Variants in AUTS2 observed in about 807,000 individuals in gnomAD.
The protein encoded by AUTS2 is activator of transcription and developmental regulator AUTS2.
In AUTS2, 17 loss-of-function variants were observed where a neutral mutation model predicts 112.4. That is an observed-to-expected ratio of 0.15 (90% CI 0.10 to 0.23). The LOEUF is 0.23. Among genes scored for constraint, AUTS2 ranks in the 10% least tolerant of loss-of-function variants. The probability of loss-of-function intolerance (pLI) is 1.00; values close to 1 mark genes in which losing one functional copy is unlikely to be tolerated. For missense variants in AUTS2, 1,510 were observed against 1,701.6 expected (o/e 0.89, Z 1.98); for synonymous variants, 751 against 702.7 (o/e 1.07, Z -1.09).
intron 4 of AUTS2, among the ~76,000 whole-genome samples, chr7:70,239,316 A>G (rs1417897743): frequency 6.6e-6 from 1 of 152,054 alleles, no homozygotes; most frequent in African/African-American, 2.4e-5. Context: ...TGAGAAGATG[A>G]TTTTTCAGTT....
chr7:70,754,000 CA>C (rs1176340028), intron 6 of AUTS2, among the ~76,000 whole-genome samples: 117 of 141,892 alleles, frequency 8.2e-4, no homozygotes, highest in South Asian at 1.4e-3. Context: ...ATTAAAAATA[CA>C]AAAAAAAAAA....
chr7:70,732,068 CG>C (rs1563158939), intron 6 of AUTS2, among the ~76,000 whole-genome samples: 1 of 151,992 alleles, frequency 6.6e-6, no homozygotes, highest in Admixed American at 6.6e-5. Context: ...TGTCTAGTGT[CG>C]GGTGTTGCAT....
intron 1 of AUTS2, among the ~76,000 whole-genome samples, chr7:69,826,417 AGCTTTGGATAGTACTTTT>A (rs908071522): frequency 1.3e-5 from 2 of 152,168 alleles, no homozygotes; most frequent in African/African-American, 2.4e-5. Context: ...CAGTACACTG[AGCTTTGGATAGTACTTTT>A]GCTTGGATTA....
At chr7:70,041,300 G>A (rs895682116) in intron 2 of AUTS2, among the ~76,000 whole-genome samples, 3 of 152,046 alleles carry the variant, frequency 2.0e-5, no homozygotes, top group African/African-American at 7.2e-5. Context: ...TAGTATTTTT[G>A]TTCTTCTTTA....
chr7:70,654,665 G>A (rs1563104891), intron 5 of AUTS2, among the ~76,000 whole-genome samples: 1 of 152,182 alleles, frequency 6.6e-6, no homozygotes, highest in Non-Finnish European at 1.5e-5. Flanking sequence ...GAAATGAGAT[G>A]AAATTCTGTT....
intron 2 of AUTS2, among the ~76,000 whole-genome samples, chr7:70,117,118 TTTTTTTTTG>T (rs1334907854): frequency 1.1e-5 from 1 of 90,674 alleles, no homozygotes; most frequent in African/African-American, 5.5e-5. Context: ...TTTTTTTTTG[TTTTTTTTTG>T]TTTTTTTTTG....
intron 4 of AUTS2, among the ~76,000 whole-genome samples, chr7:70,158,847 A>G (rs964275139): frequency 1.3e-5 from 2 of 152,228 alleles, no homozygotes; most frequent in Non-Finnish European, 2.9e-5. Context: ...GGCAATAAAT[A>G]TATAAATAAT....
intron 1 of AUTS2, among the ~76,000 whole-genome samples, chr7:69,787,068 G>T (rs915729433): frequency 6.6e-6 from 1 of 152,176 alleles, no homozygotes; most frequent in Non-Finnish European, 1.5e-5. Context: ...TTTGAACTCA[G>T]CTCTTTCTGG....
At chr7:70,610,423 C>A (rs1292111350) in intron 5 of AUTS2, among the ~76,000 whole-genome samples, 2 of 77,442 alleles carry the variant, frequency 2.6e-5, no homozygotes, top group African/African-American at 5.0e-5. Flanking sequence ...TAGCGCTCAT[C>A]TTTTTTTTTT....
At chr7:69,700,505 C>T (rs1290251401) in intron 1 of AUTS2, among the ~76,000 whole-genome samples, 1 of 151,886 alleles carries the variant, frequency 6.6e-6, no homozygotes, top group African/African-American at 2.4e-5. Flanking sequence ...GTTTGTCAGC[C>T]CAAATAAGGA....
intron 4 of AUTS2, among the ~76,000 whole-genome samples, chr7:70,247,258 G>A (rs902189574): frequency 6.6e-6 from 1 of 152,138 alleles, no homozygotes; most frequent in Admixed American, 6.5e-5. Context: ...AGTGACACAA[G>A]TCAGTCACTA....
intron 4 of AUTS2, among the ~76,000 whole-genome samples, chr7:70,370,508 A>C (rs1014083418): frequency 2.0e-5 from 3 of 152,228 alleles, no homozygotes; most frequent in African/African-American, 4.8e-5. Flanking sequence ...AGTATATGTC[A>C]GTACTTCATC....
chr7:70,304,718 T>A (rs893763043), intron 4 of AUTS2, among the ~76,000 whole-genome samples: 3 of 62,654 alleles, frequency 4.8e-5, no homozygotes, highest in African/African-American at 2.2e-4. Flanking sequence ...GATTTTTAAC[T>A]TTTTTTTTTT....
chr7:70,110,853 TTC>T (rs1322522637), intron 2 of AUTS2, among the ~76,000 whole-genome samples: 1 of 144,340 alleles, frequency 6.9e-6, no homozygotes, highest in Non-Finnish European at 1.5e-5. Flanking sequence ...CTAACTTTCT[TTC>T]TTTCTTTTTT....
chr7:69,678,453 A>G (rs772311625), intron 1 of AUTS2, among the ~76,000 whole-genome samples: 17 of 152,110 alleles, frequency 1.1e-4, no homozygotes, highest in African/African-American at 3.9e-4. Context: ...TTTTTAAAAT[A>G]ATTTTATGGT....
At chr7:70,144,208 A>G (rs888733002) in intron 4 of AUTS2, among the ~76,000 whole-genome samples, 24 of 152,122 alleles carry the variant, frequency 1.6e-4, no homozygotes, top group Admixed American at 1.6e-3. Flanking sequence ...ACCTTTGTGG[A>G]AAATAGACTC....
chr7:70,596,002 C>T (rs1240864132), intron 5 of AUTS2: 4 of 152,210 alleles, frequency 2.6e-5, no homozygotes, highest in Non-Finnish European at 4.4e-5. Flanking sequence ...CGCCGCAACC[C>T]GCGCAGCAGC....
In AUTS2 at chr7:69,969,207, G is replaced by A. The variant is rs866508896; in HGVS notation, c.522+69709G>A. Among the ~76,000 whole-genome samples, 156 of 152,118 alleles carry A rather than the reference G, an allele frequency of 1.0e-3. 1 individual carries two copies. Among genetic ancestry groups the A allele is most frequent in the African/African-American group, 3.3e-3 (135 of 41,522 alleles). On this transcript the variant is annotated intron_variant, in intron 2 of 18. Transcript: ENST00000342771. ...GGGAACCTGAAACTCAAGAGTTAAG[G>A]CACGTAAATAAACTAATGTGAAAAG... is the stretch of plus-strand genomic sequence containing the variant.
At chr7:70,687,990 C>T (rs986610037) in intron 5 of AUTS2, among the ~76,000 whole-genome samples, 7 of 152,226 alleles carry the variant, frequency 4.6e-5, no homozygotes, top group Non-Finnish European at 1.0e-4. Flanking sequence ...AGGACAACCT[C>T]GGCCTGCCTC....
Sources: allele counts gnomAD v4.1 joint callset (sites outside exome capture counted in the v4.1 genomes callset), GRCh38; gene constraint gnomAD v4.1.1; transcripts MANE v1.5; gene names NCBI Gene and HGNC (gene_info 2026-07-23, HGNC 2026-07-21).